The following NME7 variants were observed in gnomAD, a reference collection of about 807,000 sequenced individuals.
The protein encoded by NME7 is nucleoside diphosphate kinase 7.
A neutral mutation model predicts 49.1 loss-of-function variants in NME7; 41 were observed. That is an observed-to-expected ratio of 0.83 (90% CI 0.65 to 1.08). NME7 has a LOEUF of 1.08. Among genes scored for constraint, NME7 ranks in the 50% least tolerant of loss-of-function variants. The pLI is 0.00. For missense variants in NME7, 423 were observed against 463.4 expected, an observed-to-expected ratio of 0.91 and a Z score of 0.80; for synonymous variants, 139 against 150.6, an observed-to-expected ratio of 0.92 and a Z score of 0.56.
chr1:169,267,442 A>G (rs1649351375), intron 7 of NME7, among the ~76,000 whole-genome samples: 1 of 133,882 alleles, frequency 7.5e-6, no homozygotes, highest in South Asian at 2.3e-4. Flanking sequence ...TTGAACCAAA[A>G]AAGAGCCTGA....
chr1:169,363,957 A>T (rs1252293732), intron 1 of NME7, among the ~76,000 whole-genome samples: 1 of 152,208 alleles, frequency 6.6e-6, no homozygotes, highest in Admixed American at 6.5e-5. Context: ...TATTGAGCAA[A>T]TGTCACTTTC....
At chr1:169,262,257 A>G (rs1327598997) in intron 7 of NME7, among the ~76,000 whole-genome samples, 1 of 134,326 alleles carries the variant, frequency 7.4e-6, no homozygotes, top group African/African-American at 2.5e-5. Context: ...TCAGTCTTGT[A>G]CACTCCAGCT....
chr1:169,301,078 G>A (rs997669157), intron 5 of NME7, among the ~76,000 whole-genome samples: 1 of 151,946 alleles, frequency 6.6e-6, no homozygotes, highest in African/African-American at 2.4e-5. Flanking sequence ...AACAAAAATT[G>A]ACGAGTGGGA....
rs753014811 is a variant in NME7 at position 169,298,560 on chromosome 1, G to T, written c.644C>A (p.Ala215Asp). ...AATATTTTTAAAACACCTTACTCTGGCCGCAGAAGCAAAAGAATCAGGGCC... is the reference window on the plus strand; with the variant it reads ...AATATTTTTAAAACACCTTACTCTGTCCGCAGAAGCAAAAGAATCAGGGCC... ...AHGPDSFASAAREMELFFPSS... is the reference protein window; with the variant it reads ...AHGPDSFASADREMELFFPSS... The change falls in exon 6 of 12, where the codon GCC becomes GAC. Residue 215 changes from alanine to aspartate, a missense_variant. Transcript: ENST00000367811. The T allele has an allele frequency of 6.2e-7, 1 of 1,613,510 alleles. No individual in the cohort carries two copies. Among genetic ancestry groups the T allele is most frequent in the Non-Finnish European group, 8.5e-7 (1 of 1,179,720 alleles).
At position 169,150,854 on chromosome 1, in the gene NME7, T is replaced by C. The variant is rs543571325; in HGVS notation, c.1099-18037A>G. Among the ~76,000 whole-genome samples, 10 of 151,862 alleles carry C rather than the reference T, an allele frequency of 6.6e-5. 1 individual carries two copies. In the South Asian group the frequency reaches 2.1e-3, roughly 32 times the overall value. ...TTGAATTTCTTGCAAGGCAATATAA[T>C]TTGCTCTTCAAACATAAAAGGCTAC... On this transcript the variant is annotated intron_variant, in intron 11 of 11. Coordinates refer to ENST00000367811, the MANE Select transcript of NME7 (RefSeq NM_013330.5).
intron 10 of NME7, among the ~76,000 whole-genome samples, chr1:169,189,809 A>G (rs1157932300): frequency 6.6e-6 from 1 of 152,320 alleles, no homozygotes; most frequent in East Asian, 1.9e-4. Context: ...CAAATGTGAC[A>G]TGACTATAAC....
chr1:169,144,034 TA>T (rs2101813323), intron 11 of NME7, among the ~76,000 whole-genome samples: 1 of 152,296 alleles, frequency 6.6e-6, no homozygotes, highest in African/African-American at 2.4e-5. Flanking sequence ...AAATTTGGCA[TA>T]AAATAATTAT....
At chr1:169,207,728 T>C (rs1660711978) in intron 10 of NME7, among the ~76,000 whole-genome samples, 1 of 152,084 alleles carries the variant, frequency 6.6e-6, no homozygotes, top group Admixed American at 6.6e-5. Context: ...CTTTCTAACA[T>C]TGATGAGAAA....
At chr1:169,249,902 C>G (rs1410529724) in intron 7 of NME7, among the ~76,000 whole-genome samples, 1 of 151,962 alleles carries the variant, frequency 6.6e-6, no homozygotes, top group East Asian at 1.9e-4. Flanking sequence ...ATTTTTGCAT[C>G]TATGTTCATC....
chr1:169,292,421 A>G (rs940005768), intron 6 of NME7, among the ~76,000 whole-genome samples: 1 of 152,202 alleles, frequency 6.6e-6, no homozygotes, highest in African/African-American at 2.4e-5. Flanking sequence ...CTTGCAAATC[A>G]TATCTCTGGA....
At chr1:169,303,062 G>T in intron 5 of NME7, 83 bp downstream of exon 5, 2 of 875,962 alleles carry the variant, frequency 2.3e-6, no homozygotes, top group Non-Finnish European at 1.8e-6. Flanking sequence ...TTATTCTCAA[G>T]TAATAAATTT....
At chr1:169,341,220 A>G (rs1652685753) in intron 1 of NME7, among the ~76,000 whole-genome samples, 1 of 151,894 alleles carries the variant, frequency 6.6e-6, no homozygotes. Flanking sequence ...AGTCTCAGTC[A>G]CTCCAGCTCA....
At position 169,260,164 on chromosome 1, in the gene NME7, T is replaced by C. The variant is rs1316453790; in HGVS notation, c.755-22477A>G. On this transcript the variant is annotated intron_variant, in intron 7 of 11. Coordinates refer to ENST00000367811, the MANE Select transcript of NME7 (RefSeq NM_013330.5). The stretch of plus-strand genomic sequence containing the variant: ...AAGTTAGAACTTTGAACCATAGGTT[T>C]TCTAGAGTAAGTAAGATGTGTGAAT... 5.2e-5 allele frequency among the ~76,000 whole-genome samples: 7 copies of C among 133,396 alleles called. 1 individual carries two copies. The highest frequency in any genetic ancestry group is 1.5e-4 in the African/African-American group (6 of 39,284). 87.5% of individuals were successfully genotyped at this position (133,396 alleles called of 152,430 possible). A position where few individuals can be genotyped will look rare whatever the true frequency, so the allele number is the denominator to read the frequency against.
chr1:169,234,507 A>G (rs1263587071), intron 9 of NME7, among the ~76,000 whole-genome samples: 1 of 151,624 alleles, frequency 6.6e-6, no homozygotes, highest in African/African-American at 2.4e-5. Flanking sequence ...AAAAACAACA[A>G]TAATAGCAGG....
At chr1:169,218,453 G>A (rs1557992839) in intron 10 of NME7, among the ~76,000 whole-genome samples, 1 of 152,006 alleles carries the variant, frequency 6.6e-6, no homozygotes, top group Non-Finnish European at 1.5e-5. Flanking sequence ...CAGCCATGTA[G>A]CACATGCCTA....
chr1:169,289,288 T>A (rs1650402110), intron 6 of NME7, among the ~76,000 whole-genome samples: 1 of 152,172 alleles, frequency 6.6e-6, no homozygotes, highest in Admixed American at 6.6e-5. Flanking sequence ...GGTTTTCTCC[T>A]ATCTAGCTGA....
chr1:169,328,256 A>C (rs1288164285), intron 1 of NME7, among the ~76,000 whole-genome samples: 2 of 152,186 alleles, frequency 1.3e-5, no homozygotes, highest in East Asian at 3.8e-4. Context: ...GCAAGACTTA[A>C]TGTCTCTAAC....
intron 10 of NME7, among the ~76,000 whole-genome samples, chr1:169,185,433 C>G (rs1478099327): frequency 2.0e-5 from 3 of 152,142 alleles, no homozygotes; most frequent in African/African-American, 7.2e-5. Flanking sequence ...CCATTGAGTC[C>G]TGTGTATTTT....
Position 169,367,718 on chromosome 1 carries a change from G to C in NME7, c.-8C>G, listed in dbSNP as rs780155209. 1.2e-5 allele frequency: 20 copies of C among 1,614,020 alleles called. No homozygotes were observed. The highest frequency in any genetic ancestry group is 1.7e-5 in the Non-Finnish European group (20 of 1,180,016). On this transcript the variant is annotated 5_prime_UTR_variant, in exon 1 of 12. Coordinates refer to ENST00000367811, the MANE Select transcript of NME7 (RefSeq NM_013330.5). ...TCCCCTGGCACTCACCATTGTCTCAGGATCTCAGCACTAGAAAATAGGTAT... is the reference window on the plus strand; with the variant it reads ...TCCCCTGGCACTCACCATTGTCTCACGATCTCAGCACTAGAAAATAGGTAT...
Sources: gnomAD v4.1 joint callset for allele counts (sites outside exome capture counted in the v4.1 genomes callset) on GRCh38, gnomAD v4.1.1 for gene constraint, MANE v1.5 for transcripts, NCBI Gene and HGNC (gene_info 2026-07-23, HGNC 2026-07-21) for gene names.